KCNG2: variants seen among roughly 807,000 people sequenced by gnomAD.
KCNG2 encodes the protein potassium voltage-gated channel modifier subfamily G member 2.
KCNG2 carries 7 observed loss-of-function variants against 12.3 expected under a neutral mutation model. That is an observed-to-expected ratio of 0.57 (90% CI 0.32 to 1.07). The LOEUF is 1.07. Ranked by LOEUF, KCNG2 falls within the 50% of genes least tolerant of loss-of-function variation. The pLI, the probability that KCNG2 is intolerant of heterozygous loss-of-function variation, is 0.04. For missense variants in KCNG2, 703 were observed against 726.0 expected, an observed-to-expected ratio of 0.97 and a Z score of 0.36; for synonymous variants, 414 against 351.4, an observed-to-expected ratio of 1.18 and a Z score of -1.99.
At position 79,863,891 on chromosome 18, in the gene KCNG2, C is replaced by G. The variant is rs1237040471; in HGVS notation, c.224C>G (p.Pro75Arg). ...GACGAGTTCTTCTTCGACCGCAGCC[C>G]GTGCGCCTTCCGCGCCATCGTGGCG... ...SRDEFFFDRSPCAFRAIVALL... is the reference protein window; with the variant it reads ...SRDEFFFDRSRCAFRAIVALL... The change falls in exon 3 of 4, where the codon CCG (proline) becomes CGG (arginine). Residue 75 changes from proline to arginine, a missense_variant. By Grantham distance (103) the Pro-to-Arg change is moderately radical (BLOSUM62 -2). Transcript: ENST00000316249. The G allele has an allele frequency of 6.8e-7, 1 of 1,461,236 alleles. No homozygotes were observed. Among genetic ancestry groups the G allele is most frequent in the Non-Finnish European group, 9.1e-7 (1 of 1,103,402 alleles). 90.5% of individuals were successfully genotyped at this position (1,461,236 alleles called of 1,614,324 possible).
At chr18:79,861,715 A>T (rs1276580546) in intron 2 of KCNG2, among the ~76,000 whole-genome samples, 5 of 152,146 alleles carry the variant, frequency 3.3e-5, no homozygotes, top group African/African-American at 1.2e-4. Flanking sequence ...TATTTCTTCA[A>T]ATATTCTTTC....
chr18:79,809,427 C>T (rs1203065529), intron 1 of KCNG2, among the ~76,000 whole-genome samples: 3 of 142,794 alleles, frequency 2.1e-5, no homozygotes, highest in Non-Finnish European at 3.1e-5. Flanking sequence ...CTCCACGTTA[C>T]GGTCCCAGAG....
chr18:79,872,277 TCAG>T (rs1979865542), intron 3 of KCNG2, among the ~76,000 whole-genome samples: 1 of 123,150 alleles, frequency 8.1e-6, no homozygotes, highest in South Asian at 3.2e-4. Context: ...CTTCAAAGCT[TCAG>T]TTTTTTTTTT....
At chr18:79,867,884 G>T (rs899928170) in intron 3 of KCNG2, among the ~76,000 whole-genome samples, 4 of 152,204 alleles carry the variant, frequency 2.6e-5, no homozygotes, top group African/African-American at 9.6e-5. Context: ...CCTACCTGGG[G>T]GACACTCATT....
rs923665810 is a variant in KCNG2, at chr18:79,822,754, G to A, written c.-115+24740G>A. Among the ~76,000 whole-genome samples, 9 of 152,214 alleles carry A rather than the reference G, an allele frequency of 5.9e-5. No homozygotes were observed. Among genetic ancestry groups the A allele is most frequent in the Non-Finnish European group, 1.0e-4 (7 of 68,036 alleles). On this transcript the variant is annotated intron_variant, in intron 1 of 3. Coordinates refer to ENST00000316249, the MANE Select transcript of KCNG2 (RefSeq NM_012283.2). This position sits in a 1 kb window ranked among gnomAD's most constrained non-coding sequence, Gnocchi z 4.4. Reference sequence around the variant, plus strand: ...TTCAAACGTGTGCTGTGCTCACCCCGAGAGACTGGAGCCTGCTGCGTGTGG... The same window carrying A: ...TTCAAACGTGTGCTGTGCTCACCCCAAGAGACTGGAGCCTGCTGCGTGTGG...
intron 1 of KCNG2, among the ~76,000 whole-genome samples, chr18:79,812,148 T>G (rs2087497833): frequency 6.6e-6 from 1 of 152,162 alleles, no homozygotes; most frequent in South Asian, 2.1e-4. Flanking sequence ...TCCAGATACT[T>G]GGAAATTAAA....
At chr18:79,809,776 C>T (rs2087480071) in intron 1 of KCNG2, among the ~76,000 whole-genome samples, 1 of 152,246 alleles carries the variant, frequency 6.6e-6, no homozygotes, top group African/African-American at 2.4e-5. Context: ...GCAGCCCAGG[C>T]GTCCTACTGC....
chr18:79,856,658 G>A (rs755075011), intron 2 of KCNG2, among the ~76,000 whole-genome samples: 1 of 152,098 alleles, frequency 6.6e-6, no homozygotes, highest in Non-Finnish European at 1.5e-5. Context: ...TCCGAACCCC[G>A]CCTGGGACTG....
In KCNG2 at chr18:79,863,865, C is replaced by A; in HGVS notation, c.198C>A (p.Arg66=). Residue 66 remains arginine, a synonymous_variant, in exon 3 of 4, where the codon CGC becomes CGA. Coordinates refer to ENST00000316249, the MANE Select transcript of KCNG2 (RefSeq NM_012283.2). ...TGTGTGACGACTACGACGTGAGCCG[C>A]GACGAGTTCTTCTTCGACCGCAGCC... is the stretch of plus-strand genomic sequence containing the variant. ...LRVCDDYDVS[R]DEFFFDRSPC... The A allele has an allele frequency of 6.8e-7, 1 of 1,471,876 alleles. No homozygotes were observed. Among genetic ancestry groups the A allele is most frequent in the Non-Finnish European group, 9.0e-7 (1 of 1,109,072 alleles). The allele number at this position is 1,471,876 out of a possible 1,614,324, so 91.2% of individuals were successfully genotyped here.
chr18:79,874,857 G>A (rs3809932), intron 3 of KCNG2, among the ~76,000 whole-genome samples: 132,449 of 152,238 alleles, frequency 0.87, 60,554 homozygotes, highest in Non-Finnish European at 1. Flanking sequence ...AGCGCAGGCC[G>A]GGACTTCAGG....
intron 1 of KCNG2, among the ~76,000 whole-genome samples, chr18:79,842,411 C>T (rs1418121468): frequency 2.0e-5 from 3 of 152,208 alleles, no homozygotes; most frequent in Admixed American, 1.3e-4. Flanking sequence ...GTGCTTGCTT[C>T]TTTAAATACT....
intron 1 of KCNG2, among the ~76,000 whole-genome samples, chr18:79,838,961 GA>G (rs1374105300): frequency 1.3e-5 from 2 of 152,048 alleles, no homozygotes; most frequent in Non-Finnish European, 2.9e-5. Context: ...GAACAATAGG[GA>G]AAAGCAGTGA....
Position 79,899,906 on chromosome 18 carries a change from C to A in KCNG2, c.*90C>A. On this transcript the variant is annotated 3_prime_UTR_variant, in exon 4 of 4. Coordinates refer to ENST00000316249, the MANE Select transcript of KCNG2 (RefSeq NM_012283.2). ...GCGCCAAGGGGTGGGGGGCGTCTGG[C>A]CTGGGGGAGCGGCTCCTGCCGGCCG... is the stretch of plus-strand genomic sequence containing the variant. 2 of 1,182,534 alleles carry A rather than the reference C, an allele frequency of 1.7e-6. No individual in the cohort carries two copies. Among genetic ancestry groups the A allele is most frequent in the South Asian group, 5.9e-5 (2 of 33,766 alleles). 73.3% of individuals were successfully genotyped at this position (1,182,534 alleles called of 1,614,324 possible).
At position 79,899,262 on chromosome 18, in the gene KCNG2, G is replaced by A. The variant is rs373615917; in HGVS notation, c.847G>A (p.Ala283Thr). 7.2e-5 allele frequency: 114 copies of A among 1,587,820 alleles called. 2 individuals carry two copies. The highest frequency in any genetic ancestry group is 3.6e-4 in the South Asian group (32 of 89,262). The change falls in exon 4 of 4, where the codon GCG becomes ACG. Residue 283 changes from alanine (A) to threonine (T), a missense_variant. Ala to Thr is a moderately conservative substitution (Grantham distance 58, BLOSUM62 0). Transcript: ENST00000316249. ...GGGCGGGACCAAGCTCCTGGAGCGC[G>A]CGGGGCTGGTGCTGCGGCTGCTGCG... Reference protein sequence around the residue: ...GPGGTKLLERAGLVLRLLRAL... With the variant: ...GPGGTKLLERTGLVLRLLRAL...
chr18:79,852,007 T>G (rs1978841212), intron 1 of KCNG2, among the ~76,000 whole-genome samples: 2 of 152,230 alleles, frequency 1.3e-5, no homozygotes, highest in Admixed American at 1.3e-4. Context: ...TTAAGTCGGT[T>G]TTTCAGGGCT....
At chr18:79,883,237 G>A (rs1458466794) in intron 3 of KCNG2, among the ~76,000 whole-genome samples, 1 of 143,666 alleles carries the variant, frequency 7.0e-6, no homozygotes, top group East Asian at 2.4e-4. Flanking sequence ...GGGGTTGGGG[G>A]CCAAGACTGG....
At chr18:79,806,301 C>A (rs541203074) in intron 1 of KCNG2, among the ~76,000 whole-genome samples, 1 of 151,930 alleles carries the variant, frequency 6.6e-6, no homozygotes, top group African/African-American at 2.4e-5. Context: ...GCCGCTGTGT[C>A]GGGGGTCGGG....
At chr18:79,838,918 G>T (rs1978379282) in intron 1 of KCNG2, among the ~76,000 whole-genome samples, 1 of 152,180 alleles carries the variant, frequency 6.6e-6, no homozygotes, top group Admixed American at 6.5e-5. Flanking sequence ...ATGAAATAAT[G>T]AAGAGCAGAA....
intron 1 of KCNG2, among the ~76,000 whole-genome samples, chr18:79,809,942 C>G (rs1189764252): frequency 2.0e-5 from 3 of 152,192 alleles, no homozygotes; most frequent in Non-Finnish European, 2.9e-5. Flanking sequence ...GGTTGTGGGG[C>G]TGGTGGGCGG....
Sources: allele counts gnomAD v4.1 joint callset (sites outside exome capture counted in the v4.1 genomes callset), GRCh38; gene constraint gnomAD v4.1.1; non-coding constraint Gnocchi (gnomAD v3.1); transcripts MANE v1.5; gene names NCBI Gene and HGNC (gene_info 2026-07-23, HGNC 2026-07-21).